The following ZSCAN23 variants were observed in gnomAD, a reference collection of about 807,000 sequenced individuals.
The protein encoded by ZSCAN23 is zinc finger and SCAN domain containing 23.
In ZSCAN23, 19 loss-of-function variants were observed where a neutral mutation model predicts 19.3. The ratio of observed to expected loss-of-function variants is 0.99; its 90% confidence interval spans 0.69 to 1.45. ZSCAN23 has a LOEUF of 1.45. ZSCAN23 is among the 40% of genes most tolerant of loss of function. ZSCAN23 has a pLI of 0.00. For synonymous variants in ZSCAN23, 140 were observed against 166.2 expected (o/e 0.84, Z 1.21); for missense variants, 372 against 462.5 (o/e 0.80, Z 1.79).
rs776611235 is a variant in ZSCAN23 at position 28,436,213 on chromosome 6, T to C, written c.54A>G (p.Ala18=). 6.4e-7 allele frequency: 1 copy of C among 1,552,618 alleles called. No homozygotes were observed. Among genetic ancestry groups the C allele is most frequent in the Non-Finnish European group, 8.7e-7 (1 of 1,147,418 alleles). Reference sequence around the variant, plus strand: ...CCTCCTCTTCCTCCTTTACCTTCACTGCCAGAAGTCCTTCCTGCATCTCTG... The same window carrying C: ...CCTCCTCTTCCTCCTTTACCTTCACCGCCAGAAGTCCTTCCTGCATCTCTG... ...QTAEMQEGLL[A]VKVKEEEEEH... The change falls in exon 2 of 4, where the codon GCA becomes GCG. Residue 18 remains alanine, a synonymous_variant. Coordinates refer to ENST00000289788, the MANE Select transcript of ZSCAN23 (RefSeq NM_001012455.2).
At chr6:28,437,453 C>T (rs1163089598) in intron 1 of ZSCAN23, among the ~76,000 whole-genome samples, 11 of 152,232 alleles carry the variant, frequency 7.2e-5, no homozygotes, top group African/African-American at 2.4e-4. Flanking sequence ...CTTGGTGGCA[C>T]ACGCCTGTTA....
At chr6:28,443,003 G>A (rs1349193369) in intron 1 of ZSCAN23, among the ~76,000 whole-genome samples, 1 of 152,188 alleles carries the variant, frequency 6.6e-6, no homozygotes, top group East Asian at 1.9e-4. Flanking sequence ...ACTAAGAAAG[G>A]CTGTGGCATA....
chr6:28,424,276 A>T, the ZSCAN23 span, among the ~76,000 whole-genome samples: 1 of 152,236 alleles, frequency 6.6e-6, no homozygotes, highest in Non-Finnish European at 1.5e-5. Context: ...TAATTAAAAG[A>T]TACTTTATTG....
In ZSCAN23 at chr6:28,434,483, T is replaced by TG; in HGVS notation, c.1151dup (p.Val385SerfsTer3). On this transcript the variant is annotated frameshift_variant, in exon 4 of 4. Coordinates refer to ENST00000289788, the MANE Select transcript of ZSCAN23 (RefSeq NM_001012455.2). LOFTEE classifies it high-confidence loss of function. ...CAAGGAGCTAGCTTGATTCAGCCACTGGGTGGACTTTCCGATGCTGGATTA... is the reference window on the plus strand; with the variant it reads ...CAAGGAGCTAGCTTGATTCAGCCACTGGGGTGGACTTTCCGATGCTGGATTA... 1.3e-6 allele frequency: 2 copies of TG among 1,545,942 alleles called. No individual in the cohort carries two copies. The highest frequency in any genetic ancestry group is 1.7e-6 in the Non-Finnish European group (2 of 1,143,228).
downstream of ZSCAN23, among the ~76,000 whole-genome samples, chr6:28,431,570 T>A (rs1231727656): frequency 6.6e-5 from 10 of 152,206 alleles, no homozygotes; most frequent in Admixed American, 6.5e-4. Context: ...CCCAGGTGAT[T>A]CTAGTGCAGC....
At chr6:28,443,254 G>C (rs1196768057) in intron 1 of ZSCAN23, 145 bp downstream of exon 1, 2 of 152,596 alleles carry the variant, frequency 1.3e-5, no homozygotes, top group Admixed American at 6.5e-5. Flanking sequence ...TCCAGGCTGC[G>C]GAGCAACCTC....
At chr6:28,423,179 A>T in the ZSCAN23 span, among the ~76,000 whole-genome samples, 1 of 152,208 alleles carries the variant, frequency 6.6e-6, no homozygotes, top group Non-Finnish European at 1.5e-5. Flanking sequence ...GTTTTCTGTC[A>T]TCTGCAAGGG....
Position 28,436,246 on chromosome 6 carries a change from A to T in ZSCAN23, c.21T>A (p.Leu7=), listed in dbSNP as rs1246286646. The stretch of plus-strand genomic sequence containing the variant: ...GTCCTTCCTGCATCTCTGCAGTCTG[A>T]AGGGTCAAGGTTATGGCCATCAAAG... MAITLT[L]QTAEMQEGLL... is the part of the protein sequence containing the mutation. Residue 7 remains leucine (L), a synonymous_variant, in exon 2 of 4, where the codon CTT becomes CTA. Transcript: ENST00000289788. The T allele has an allele frequency of 6.4e-7, 1 of 1,550,666 alleles. No individual in the cohort carries two copies. Among genetic ancestry groups the T allele is most frequent in the Admixed American group, 2.0e-5 (1 of 50,988 alleles).
Position 28,436,281 on chromosome 6 carries a change from T to C in ZSCAN23, c.-15A>G. On this transcript the variant is annotated 5_prime_UTR_variant, in exon 2 of 4. Coordinates refer to ENST00000289788, the MANE Select transcript of ZSCAN23 (RefSeq NM_001012455.2). ...GTTATGGCCATCAAAGGTTTAACTA[T>C]TCAGAAAAATAATCTATTCTTGATA... 1 of 1,504,256 alleles carries C rather than the reference T, an allele frequency of 6.6e-7. No homozygotes were observed. Among genetic ancestry groups the C allele is most frequent in the Non-Finnish European group, 8.9e-7 (1 of 1,122,948 alleles). The allele number at this position is 1,504,256 out of a possible 1,614,324, so 93.2% of individuals were successfully genotyped here. A position where few individuals can be genotyped will look rare whatever the true frequency, so the allele number is the denominator to read the frequency against.
the ZSCAN23 span, among the ~76,000 whole-genome samples, chr6:28,426,661 A>C: frequency 6.6e-6 from 1 of 152,274 alleles, no homozygotes; most frequent in Non-Finnish European, 1.5e-5. Context: ...TGGTGTTGAC[A>C]GACTTGCTTG....
At chr6:28,424,230 A>G in the ZSCAN23 span, among the ~76,000 whole-genome samples, 1 of 152,226 alleles carries the variant, frequency 6.6e-6, no homozygotes, top group African/African-American at 2.4e-5. Flanking sequence ...CAGTCTATTA[A>G]GTGTGCAGTA....
downstream of ZSCAN23, among the ~76,000 whole-genome samples, chr6:28,429,005 C>T (rs904460045): frequency 6.6e-6 from 1 of 152,186 alleles, no homozygotes; most frequent in South Asian, 2.1e-4. Flanking sequence ...CTGGAATGCA[C>T]CCACCTTCAT....
chr6:28,430,153 G>A (rs1268454450), downstream of ZSCAN23, among the ~76,000 whole-genome samples: 1 of 128,332 alleles, frequency 7.8e-6, no homozygotes, highest in Non-Finnish European at 1.7e-5. Flanking sequence ...GATCCTCCGT[G>A]TCCTCCGTTC....
At chr6:28,428,974 C>T (rs1421339004), downstream of ZSCAN23, among the ~76,000 whole-genome samples, 1 of 152,220 alleles carries the variant, frequency 6.6e-6, no homozygotes, top group Non-Finnish European at 1.5e-5. Context: ...TGCCCCACCT[C>T]TGCCACTCTT....
Position 28,436,203 on chromosome 6 carries a change from T to G in ZSCAN23, c.64A>C (p.Lys22Gln). 1 of 1,553,304 alleles carries G rather than the reference T, an allele frequency of 6.4e-7. No homozygotes were observed. ...MQEGLLAVKVKEEEEEHSCGP... is the reference protein window; with the variant it reads ...MQEGLLAVKVQEEEEEHSCGP... ...CAGGAATGTTCCTCCTCTTCCTCCT[T>G]TACCTTCACTGCCAGAAGTCCTTCC... The change falls in exon 2 of 4, where the codon AAG (lysine) becomes CAG (glutamine). Residue 22 changes from lysine to glutamine, a missense_variant. Coordinates refer to ENST00000289788, the MANE Select transcript of ZSCAN23 (RefSeq NM_001012455.2).
At chr6:28,430,661 A>C (rs28663000), downstream of ZSCAN23, among the ~76,000 whole-genome samples, 1 of 151,252 alleles carries the variant, frequency 6.6e-6, no homozygotes, top group African/African-American at 2.4e-5. Context: ...GGCCACCACC[A>C]CCCCCACCCC....
intron 1 of ZSCAN23, among the ~76,000 whole-genome samples, chr6:28,440,990 C>T (rs1761987142): frequency 6.6e-6 from 1 of 152,160 alleles, no homozygotes; most frequent in South Asian, 2.1e-4. Flanking sequence ...AGTTCCTAAT[C>T]TTCCATTCAG....
At chr6:28,431,207 T>C (rs72854558), downstream of ZSCAN23, among the ~76,000 whole-genome samples, 1 of 152,198 alleles carries the variant, frequency 6.6e-6, no homozygotes, top group Non-Finnish European at 1.5e-5. Context: ...TGGCTACACC[T>C]AAGTCTCCAA....
At chr6:28,441,803 A>G (rs1358997770) in intron 1 of ZSCAN23, among the ~76,000 whole-genome samples, 1 of 151,190 alleles carries the variant, frequency 6.6e-6, no homozygotes, top group Non-Finnish European at 1.5e-5. Context: ...ATAAGCCCAT[A>G]TATTTTATTT....
Sources: allele counts gnomAD v4.1 joint callset (sites outside exome capture counted in the v4.1 genomes callset), GRCh38; gene constraint gnomAD v4.1.1; transcripts MANE v1.5; gene names NCBI Gene and HGNC (gene_info 2026-07-23, HGNC 2026-07-21).